BLTP3B: variants seen among roughly 807,000 people sequenced by gnomAD.
The protein encoded by BLTP3B is bridge-like lipid transfer protein family member 3B.
chr12:100,097,442 A>C, the BLTP3B span: 1 of 1,613,588 alleles, frequency 6.2e-7, no homozygotes. Context: ...TCAAGATGTG[A>C]ACTTTGGGTG....
the BLTP3B span, chr12:100,047,593 C>T: frequency 6.2e-7 from 1 of 1,613,662 alleles, no homozygotes; most frequent in Non-Finnish European, 8.5e-7. Context: ...TGTACAGTTA[C>T]AGGAGCTGGT....
At chr12:100,106,213 C>T in the BLTP3B span, among the ~76,000 whole-genome samples, 1 of 151,896 alleles carries the variant, frequency 6.6e-6, no homozygotes, top group South Asian at 2.1e-4. Context: ...GAGTGGGTAC[C>T]TATCCAAAGG....
chr12:100,073,475 C>T, the BLTP3B span, among the ~76,000 whole-genome samples: 1 of 151,200 alleles, frequency 6.6e-6, no homozygotes, highest in South Asian at 2.1e-4. Context: ...GCTGGGATTA[C>T]AGGCGTGAGC....
chr12:100,087,617 A>C, the BLTP3B span, among the ~76,000 whole-genome samples: 2 of 152,236 alleles, frequency 1.3e-5, no homozygotes, highest in Non-Finnish European at 1.5e-5. Flanking sequence ...AAAGAATAAA[A>C]AAAAGTATTG....
the BLTP3B span, among the ~76,000 whole-genome samples, chr12:100,038,149 T>A: frequency 6.6e-6 from 1 of 152,186 alleles, no homozygotes; most frequent in Non-Finnish European, 1.5e-5. Flanking sequence ...GCCCTTTTCA[T>A]CTTTTCTTCT....
the BLTP3B span, among the ~76,000 whole-genome samples, chr12:100,085,388 T>C: frequency 6.6e-6 from 1 of 151,998 alleles, no homozygotes; most frequent in East Asian, 1.9e-4. Flanking sequence ...GTTTCACACC[T>C]CTTCAAAAAT....
the BLTP3B span, chr12:100,098,647 C>T: frequency 1.6e-6 from 2 of 1,214,062 alleles, no homozygotes; most frequent in Non-Finnish European, 2.2e-6. Flanking sequence ...CATACCTGTA[C>T]TCCCAGCACT....
chr12:100,052,322 C>A, the BLTP3B span, among the ~76,000 whole-genome samples: 5 of 151,852 alleles, frequency 3.3e-5, no homozygotes, highest in Admixed American at 2.0e-4. Context: ...GGATTACAGG[C>A]GTGAGCCACT....
At chr12:100,047,098 T>G in the BLTP3B span, among the ~76,000 whole-genome samples, 3 of 152,206 alleles carry the variant, frequency 2.0e-5, no homozygotes, top group Admixed American at 2.0e-4. Context: ...TCCCTCAATC[T>G]TCCACTACTA....
the BLTP3B span, chr12:100,050,096 G>A: frequency 2.3e-6 from 3 of 1,298,084 alleles, no homozygotes; most frequent in African/African-American, 3.0e-5. Flanking sequence ...TAGGATTGCT[G>A]GTGAGACATA....
At chr12:100,091,123 T>C in the BLTP3B span, among the ~76,000 whole-genome samples, 1 of 150,588 alleles carries the variant, frequency 6.6e-6, no homozygotes, top group Non-Finnish European at 1.5e-5. Context: ...GCCTGCTGGG[T>C]TCAAGTGATT....
chr12:100,098,221 G>A, the BLTP3B span: 9 of 971,350 alleles, frequency 9.3e-6, no homozygotes, highest in East Asian at 5.4e-5. Context: ...CTGTCTCCCC[G>A]CACCCTCCCC....
the BLTP3B span, among the ~76,000 whole-genome samples, chr12:100,060,290 T>C: frequency 2.0e-5 from 3 of 152,120 alleles, no homozygotes; most frequent in Non-Finnish European, 2.9e-5. Flanking sequence ...TATAAATATA[T>C]AAAACACATG....
At chr12:100,100,377 G>A in the BLTP3B span, among the ~76,000 whole-genome samples, 431 of 152,056 alleles carry the variant, frequency 2.8e-3, no homozygotes, top group Middle Eastern at 0.017. Flanking sequence ...CTGGTTCTCA[G>A]GGCTGCAAAA....
At chr12:100,055,143 TA>T in the BLTP3B span, among the ~76,000 whole-genome samples, 1 of 152,084 alleles carries the variant, frequency 6.6e-6, no homozygotes. Flanking sequence ...TAAATTTTTT[TA>T]AGAAGACGTG....
chr12:100,070,120 G>T, the BLTP3B span: 1 of 1,537,070 alleles, frequency 6.5e-7, no homozygotes, highest in Non-Finnish European at 8.8e-7. Flanking sequence ...ATGCAGAGCA[G>T]ATGTCTTCCT....
chr12:100,105,965 C>A, the BLTP3B span, among the ~76,000 whole-genome samples: 2 of 152,194 alleles, frequency 1.3e-5, no homozygotes, highest in South Asian at 4.1e-4. Context: ...TGCTCAAAAT[C>A]ATTAATCATA....
chr12:100,046,669 T>C, the BLTP3B span, among the ~76,000 whole-genome samples: 3 of 152,132 alleles, frequency 2.0e-5, no homozygotes, highest in Non-Finnish European at 4.4e-5. Context: ...GGCACATGTA[T>C]ACCTATGTAA....
chr12:100,117,770 G>A, the BLTP3B span, among the ~76,000 whole-genome samples: 3 of 152,064 alleles, frequency 2.0e-5, no homozygotes, highest in Non-Finnish European at 4.4e-5. Context: ...CAAAGTGCTG[G>A]GATTACAGGC....
Sources: gnomAD v4.1 joint callset for allele counts (sites outside exome capture counted in the v4.1 genomes callset) on GRCh38, gnomAD v4.1.1 for gene constraint, MANE v1.5 for transcripts, NCBI Gene and HGNC (gene_info 2026-07-23, HGNC 2026-07-21) for gene names.